The following ETV5 variants were observed in gnomAD, a reference collection of about 807,000 sequenced individuals.
ETV5 encodes the protein ETS translocation variant 5.
Under a neutral mutation model 70.0 loss-of-function variants are expected in ETV5, and 10 were observed. That is an observed-to-expected ratio of 0.14 (90% CI 0.09 to 0.24). The LOEUF is 0.24. ETV5 is among the 10% of genes least tolerant of loss of function. The pLI is 1.00. For synonymous variants in ETV5, 216 were observed against 242.2 expected (o/e 0.89, Z 1.01); for missense variants, 453 against 651.2 (o/e 0.70, Z 3.31).
At chr3:186,074,098 C>T (rs1713712037) in intron 7 of ETV5, among the ~76,000 whole-genome samples, 1 of 151,626 alleles carries the variant, frequency 6.6e-6, no homozygotes, top group African/African-American at 2.4e-5. Context: ...ACAATATTGT[C>T]TGCCAAGACT....
At chr3:186,074,943 C>T (rs1713745237) in intron 7 of ETV5, among the ~76,000 whole-genome samples, 1 of 148,966 alleles carries the variant, frequency 6.7e-6, no homozygotes, top group Non-Finnish European at 1.5e-5. Flanking sequence ...ATCAGTGTAA[C>T]TCACCATATT....
At position 186,057,621 on chromosome 3, in the gene ETV5, G is replaced by T; in HGVS notation, c.971-130C>A. The T allele has an allele frequency of 2.5e-6, 2 of 794,412 alleles. No homozygotes were observed. Among genetic ancestry groups the T allele is most frequent in the Non-Finnish European group, 4.2e-6 (2 of 470,878 alleles). The allele number at this position is 794,412 out of a possible 1,614,324, so 49.2% of individuals were successfully genotyped here. A position where few individuals can be genotyped will look rare whatever the true frequency, so the allele number is the denominator to read the frequency against. The stretch of plus-strand genomic sequence containing the variant: ...AAGTCCTACTGCTGTATCTATGGCA[G>T]ACTGAATTTTCAGGGACTTCAAGAG... On this transcript the variant is annotated intron_variant, in intron 9 of 12. Coordinates refer to ENST00000306376, the MANE Select transcript of ETV5 (RefSeq NM_004454.3). The surrounding 1 kb of genome is among the most constrained non-coding windows in gnomAD (Gnocchi z 4.9).
chr3:186,076,226 AAATT>A (rs1713785857), intron 7 of ETV5: 2 of 218,970 alleles, frequency 9.1e-6, no homozygotes, highest in South Asian at 3.7e-4. Flanking sequence ...TTCTAAAAAT[AAATT>A]GAGTTGTGAA....
chr3:186,063,474 T>C (rs546754925), intron 9 of ETV5, among the ~76,000 whole-genome samples: 1 of 152,290 alleles, frequency 6.6e-6, no homozygotes. Flanking sequence ...CTGCTCCTGC[T>C]CCTAATTAGA....
intron 7 of ETV5, 101 bp from the exon 8 acceptor site, chr3:186,066,173 C>T: frequency 1.0e-6 from 1 of 989,760 alleles, no homozygotes. Context: ...AAATTATTTG[C>T]AAAGTACTTA....
At chr3:186,098,680 A>G (rs1578561408) in intron 5 of ETV5, among the ~76,000 whole-genome samples, 1 of 152,210 alleles carries the variant, frequency 6.6e-6, no homozygotes, top group African/African-American at 2.4e-5. Context: ...CAAACCTTCA[A>G]TAATCACCCT....
At chr3:186,100,292 A>G (rs533620327) in intron 5 of ETV5, among the ~76,000 whole-genome samples, 70 of 152,244 alleles carry the variant, frequency 4.6e-4, no homozygotes, top group African/African-American at 1.6e-3. Flanking sequence ...TTTTCCCTCA[A>G]ACCTCTTATT....
chr3:186,105,947 A>C lies in ETV5; in HGVS notation c.-74-5T>G. On this transcript the variant is annotated splice_polypyrimidine_tract_variant and splice_region_variant and intron_variant, in intron 1 of 12. Coordinates refer to ENST00000306376, the MANE Select transcript of ETV5 (RefSeq NM_004454.3). This position sits in a 1 kb window ranked among gnomAD's most constrained non-coding sequence, Gnocchi z 4.5. ...TCTGGGGGAAAAGGGATCCTCCTGT[A>C]ATATGAATTTGGGAGATTTTAACTA... 1 of 1,562,808 alleles carries C rather than the reference A, an allele frequency of 6.4e-7. No homozygotes were observed. Among genetic ancestry groups the C allele is most frequent in the South Asian group, 1.2e-5 (1 of 85,790 alleles).
At chr3:186,094,480 CCTTT>C (rs1434297110) in intron 5 of ETV5, among the ~76,000 whole-genome samples, 2 of 152,114 alleles carry the variant, frequency 1.3e-5, no homozygotes, top group Non-Finnish European at 2.9e-5. Flanking sequence ...AGATTTACTT[CCTTT>C]AAGTTCATAT....
intron 5 of ETV5, among the ~76,000 whole-genome samples, chr3:186,094,698 C>G (rs549400946): frequency 3.7e-4 from 57 of 152,276 alleles, no homozygotes; most frequent in African/African-American, 1.2e-3. Flanking sequence ...AAGTAGGGCT[C>G]AAGTATTAGC....
At chr3:186,108,463 C>G (rs1714650177) in intron 1 of ETV5, 2 of 1,246,482 alleles carry the variant, frequency 1.6e-6, no homozygotes, top group South Asian at 1.2e-5. Flanking sequence ...TTGCCTGTGT[C>G]ATTTACCCCC....
intron 5 of ETV5, among the ~76,000 whole-genome samples, chr3:186,093,999 G>A (rs1714247278): frequency 6.6e-6 from 1 of 152,204 alleles, no homozygotes; most frequent in Non-Finnish European, 1.5e-5. Context: ...GACCTATGGG[G>A]CACTAGCAAG....
Position 186,046,501 on chromosome 3 carries a change from G to GA in ETV5, c.*2137dup, listed in dbSNP as rs1267990674. On this transcript the variant is annotated 3_prime_UTR_variant, in exon 13 of 13. Transcript: ENST00000306376. ...AACAAACAAACCCCAAAGAACCCCC[G>GA]AAAAAAACAAAAACCATCCGGGAGG... 1.7e-5 allele frequency: 4 copies of GA among 231,120 alleles called. No homozygotes were observed. Among genetic ancestry groups the GA allele is most frequent in the African/African-American group, 8.9e-5 (4 of 45,070 alleles). The allele number at this position is 231,120 out of a possible 1,614,324, so 14.3% of individuals were successfully genotyped here.
intron 5 of ETV5, among the ~76,000 whole-genome samples, chr3:186,085,586 G>A (rs1560053043): frequency 2.7e-5 from 4 of 146,222 alleles, no homozygotes. Context: ...TCGGCTCACT[G>A]CAACCTCTGC....
intron 5 of ETV5, among the ~76,000 whole-genome samples, chr3:186,087,227 C>T (rs1714079728): frequency 6.6e-6 from 1 of 152,104 alleles, no homozygotes; most frequent in Non-Finnish European, 1.5e-5. Context: ...ATATGCTGAG[C>T]TAAAAGAAGC....
intron 7 of ETV5, among the ~76,000 whole-genome samples, chr3:186,073,495 T>C (rs535338110): frequency 1.3e-5 from 2 of 152,294 alleles, no homozygotes; most frequent in East Asian, 3.9e-4. Flanking sequence ...CAACCCCAGA[T>C]CTGTCAGTCT....
intron 5 of ETV5, among the ~76,000 whole-genome samples, chr3:186,100,339 A>G (rs747819280): frequency 2.0e-5 from 3 of 152,142 alleles, no homozygotes; most frequent in Non-Finnish European, 4.4e-5. Flanking sequence ...TACCTTGCCA[A>G]ACAAAAAGAC....
chr3:186,057,510 G>C lies in ETV5; in HGVS notation c.971-19C>G. Reference sequence around the variant, plus strand: ...GAAAAACCTGAAAGAGAATTTAAAAGAAAGACTACGTTGCTTAACAAATTC... The same window carrying C: ...GAAAAACCTGAAAGAGAATTTAAAACAAAGACTACGTTGCTTAACAAATTC... On this transcript the variant is annotated intron_variant, in intron 9 of 12. Coordinates refer to ENST00000306376, the MANE Select transcript of ETV5 (RefSeq NM_004454.3). The surrounding 1 kb of genome is among the most constrained non-coding windows in gnomAD (Gnocchi z 4.9). The C allele has an allele frequency of 1.3e-6, 2 of 1,593,644 alleles. No homozygotes were observed. The highest frequency in any genetic ancestry group is 2.2e-5 in the South Asian group (2 of 90,608).
chr3:186,087,397 G>A (rs1578555762), intron 5 of ETV5, among the ~76,000 whole-genome samples: 1 of 152,108 alleles, frequency 6.6e-6, no homozygotes, highest in South Asian at 2.1e-4. Flanking sequence ...GATAAGTTCC[G>A]TTTTCTGATC....
Sources: gnomAD v4.1 joint callset for allele counts (sites outside exome capture counted in the v4.1 genomes callset) on GRCh38, gnomAD v4.1.1 for gene constraint, Gnocchi (gnomAD v3.1) non-coding constraint, MANE v1.5 for transcripts, NCBI Gene and HGNC (gene_info 2026-07-23, HGNC 2026-07-21) for gene names.